DOT1L: variants seen among roughly 807,000 people sequenced by gnomAD.
DOT1L encodes the protein DOT1 like histone lysine methyltransferase, also known as histone-lysine N-methyltransferase, H3 lysine-79 specific.
Under a neutral mutation model 153.3 loss-of-function variants are expected in DOT1L, and 33 were observed. That is an observed-to-expected ratio of 0.22 (90% CI 0.16 to 0.29). The LOEUF (loss-of-function observed/expected upper bound fraction) is 0.29. Among genes scored for constraint, DOT1L ranks in the 10% least tolerant of loss-of-function variants. DOT1L has a pLI of 1.00. For missense variants in DOT1L, 1,847 were observed against 2,119.9 expected (o/e 0.87, Z 2.53); for synonymous variants, 1,135 against 965.1 (o/e 1.18, Z -3.26).
rs1380203113 is a variant in DOT1L at position 2,226,572 on chromosome 19, C to A, written c.4051C>A (p.Leu1351Met). 6.2e-7 allele frequency: 1 copy of A among 1,600,498 alleles called. No individual in the cohort carries two copies. The highest frequency in any genetic ancestry group is 1.1e-5 in the South Asian group (1 of 90,672). The change falls in exon 27 of 28, where the codon CTG becomes ATG. Residue 1351 changes from leucine to methionine, a missense_variant. Physicochemically the swap from Leu to Met is conservative, Grantham distance 15. This residue lies in a region of DOT1L where 934 missense variants were observed against 825.3 expected (regional missense o/e 1.13). Transcript: ENST00000398665. ...GPEAAGLSSP[L>M]SFPSQRGKEG... ...CGAGGCGGCCGGCCTGAGCTCCCCG[C>A]TGAGCTTCCCCTCGCAGCGCGGCAA...
chr19:2,195,842 C>CA (rs1282662068), intron 7 of DOT1L, among the ~76,000 whole-genome samples: 1 of 152,240 alleles, frequency 6.6e-6, no homozygotes, highest in African/African-American at 2.4e-5. Context: ...GCAACAGAAA[C>CA]AAAGTGTTCA....
intron 5 of DOT1L, among the ~76,000 whole-genome samples, chr19:2,192,672 C>CA (rs71176526): frequency 0.063 from 5,991 of 94,900 alleles, 198 homozygotes; most frequent in East Asian, 0.18. Flanking sequence ...GACTCCGTCT[C>CA]AAAAAAAAAA....
chr19:2,214,822 G>C (rs747510312), intron 19 of DOT1L: 30 of 554,706 alleles, frequency 5.4e-5, no homozygotes, highest in Non-Finnish European at 9.0e-5. Flanking sequence ...TCTCGGGATT[G>C]CTTGGCTGAA....
At chr19:2,218,453 G>T (rs947329080) in intron 22 of DOT1L, among the ~76,000 whole-genome samples, 1 of 152,116 alleles carries the variant, frequency 6.6e-6, no homozygotes, top group Admixed American at 6.5e-5. Flanking sequence ...GAGTGCAGTG[G>T]TGCGATCTCG....
intron 26 of DOT1L, 77 bp downstream of exon 26, chr19:2,225,529 C>A (rs2024290103): frequency 6.9e-7 from 1 of 1,454,516 alleles, no homozygotes; most frequent in African/African-American, 1.4e-5. Flanking sequence ...GCTGACCCAC[C>A]TGCTGGCCCG....
rs958623191 is a variant in DOT1L at position 2,190,378 on chromosome 19, G to C, written c.264+583G>C. On this transcript the variant is annotated intron_variant, in intron 4 of 27. Coordinates refer to ENST00000398665, the MANE Select transcript of DOT1L (RefSeq NM_032482.3). The surrounding 1 kb of genome is among the most constrained non-coding windows in gnomAD (Gnocchi z 4.8). ...GGAGCTCTTTCTTGAAGGTCTTGCT[G>C]TGGAGGGAGCCCTGGTGGGGGTGGC... is the stretch of plus-strand genomic sequence containing the variant. Among the ~76,000 whole-genome samples the C allele has an allele frequency of 6.6e-6, 1 of 152,126 alleles. No homozygotes were observed. The highest frequency in any genetic ancestry group is 2.4e-5 in the African/African-American group (1 of 41,406).
At chr19:2,202,492 T>G (rs2023333210) in intron 8 of DOT1L, among the ~76,000 whole-genome samples, 2 of 152,188 alleles carry the variant, frequency 1.3e-5, no homozygotes, top group South Asian at 4.1e-4. Flanking sequence ...GCCCCCTCTG[T>G]TTTTGGCCCC....
intron 22 of DOT1L, 110 bp downstream of exon 22, chr19:2,218,028 G>A (rs749502319): frequency 2.2e-5 from 32 of 1,446,552 alleles, no homozygotes; most frequent in East Asian, 4.9e-5. Flanking sequence ...AATGTCGAGC[G>A]TGAGGCAATG....
intron 27 of DOT1L, chr19:2,229,331 C>T (rs2024501657): frequency 1.0e-6 from 1 of 985,328 alleles, no homozygotes; most frequent in South Asian, 4.7e-5. Flanking sequence ...CCTTCTGCCT[C>T]AGGGGCCCCT....
rs1480395766 is a variant in DOT1L, at chr19:2,208,967, A to G, written c.996A>G (p.Pro332=). Residue 332 remains proline (P), a synonymous_variant, in exon 12 of 28, where the codon CCA becomes CCG. Coordinates refer to ENST00000398665, the MANE Select transcript of DOT1L (RefSeq NM_032482.3). This position sits in a 1 kb window ranked among gnomAD's most constrained non-coding sequence, Gnocchi z 4.4. ...LENYFSSLKN[P]KLREEQEAAR... is the part of the protein sequence containing the mutation. ...ACTATTTTTCTAGTCTGAAAAACCC[A>G]AAACTCAGGGTAAGTTTGTGTGTTT... 1 of 1,613,316 alleles carries G rather than the reference A, an allele frequency of 6.2e-7. No homozygotes were observed. The highest frequency in any genetic ancestry group is 1.3e-5 in the African/African-American group (1 of 74,892).
At chr19:2,194,631 ACCCTCCTGTCAGC>A in intron 7 of DOT1L, 54 bp downstream of exon 7, 1 of 1,422,068 alleles carries the variant, frequency 7.0e-7, no homozygotes, top group Non-Finnish European at 9.5e-7. Context: ...CCCCGCTCCC[ACCCTCCTGTCAGC>A]CCCTCCTTTC....
intron 8 of DOT1L, among the ~76,000 whole-genome samples, chr19:2,201,085 T>TCATTCCTCGTCCTCCCCG (rs1287994403): frequency 6.7e-5 from 5 of 75,020 alleles, no homozygotes; most frequent in Non-Finnish European, 1.0e-4. Flanking sequence ...CGTCGTCCCC[T>TCATTCCTCGTCCTCCCCG]CATTCCTCGT....
At chr19:2,223,241 G>T (rs116239075) in intron 24 of DOT1L, 40 bp from the exon 25 acceptor site, 1 of 1,606,312 alleles carries the variant, frequency 6.2e-7, no homozygotes, top group East Asian at 2.2e-5. Context: ...GGGGTCCCGG[G>T]TCTGTGGTAT....
intron 1 of DOT1L, among the ~76,000 whole-genome samples, chr19:2,176,296 C>T (rs898961670): frequency 1.1e-4 from 16 of 152,242 alleles, no homozygotes; most frequent in African/African-American, 3.9e-4. Flanking sequence ...GGGACAGGGG[C>T]AGTAACTCGG....
intron 22 of DOT1L, among the ~76,000 whole-genome samples, chr19:2,219,269 C>G (rs1028367912): frequency 6.6e-6 from 1 of 152,200 alleles, no homozygotes; most frequent in Non-Finnish European, 1.5e-5. Flanking sequence ...CGGCCTCCCA[C>G]AGTGCTGGGA....
intron 25 of DOT1L, 52 bp from the exon 26 acceptor site, chr19:2,225,336 T>C (rs887955128): frequency 2.6e-5 from 41 of 1,553,284 alleles, no homozygotes; most frequent in Non-Finnish European, 3.4e-5. Context: ...ATTTGTGTCA[T>C]TCTTAGTATG....
Position 2,217,189 on chromosome 19 carries a change from G to T in DOT1L, c.2544+99G>T. On this transcript the variant is annotated intron_variant, in intron 21 of 27. Coordinates refer to ENST00000398665, the MANE Select transcript of DOT1L (RefSeq NM_032482.3). This position sits in a 1 kb window ranked among gnomAD's most constrained non-coding sequence, Gnocchi z 7.3. Reference sequence around the variant, plus strand: ...AGGGCTTGTCCTAGTTGACCTTGGGGCACGGTGAGGTACTGGGGCTGACCT... The same window carrying T: ...AGGGCTTGTCCTAGTTGACCTTGGGTCACGGTGAGGTACTGGGGCTGACCT... 1 of 1,431,962 alleles carries T rather than the reference G, an allele frequency of 7.0e-7. No individual in the cohort carries two copies. Among genetic ancestry groups the T allele is most frequent in the Non-Finnish European group, 9.2e-7 (1 of 1,089,518 alleles). 88.7% of individuals were successfully genotyped at this position (1,431,962 alleles called of 1,614,324 possible). A position where few individuals can be genotyped will look rare whatever the true frequency, so the allele number is the denominator to read the frequency against.
Position 2,208,912 on chromosome 19 carries a change from A to G in DOT1L, c.964-23A>G. ...CAGAGATTGGGACTCCCTTCTAATC[A>G]GGGTTCTCTTTCTTCTTTTTAGCTT... On this transcript the variant is annotated intron_variant, in intron 11 of 27. Transcript: ENST00000398665. This position sits in a 1 kb window ranked among gnomAD's most constrained non-coding sequence, Gnocchi z 4.4. 6.2e-7 allele frequency: 1 copy of G among 1,611,056 alleles called. No homozygotes were observed. Among genetic ancestry groups the G allele is most frequent in the Non-Finnish European group, 8.5e-7 (1 of 1,178,706 alleles).
At chr19:2,196,156 C>T (rs528800363) in intron 7 of DOT1L, among the ~76,000 whole-genome samples, 1 of 152,382 alleles carries the variant, frequency 6.6e-6, no homozygotes, top group South Asian at 2.1e-4. Flanking sequence ...TCAGACCCCT[C>T]CGCACTGTCC....
Sources: gnomAD v4.1 joint callset for allele counts (sites outside exome capture counted in the v4.1 genomes callset) on GRCh38, gnomAD v4.1.1 for gene constraint, gnomAD v4.1.1 regional missense constraint, Gnocchi (gnomAD v3.1) non-coding constraint, MANE v1.5 for transcripts, NCBI Gene and HGNC (gene_info 2026-07-23, HGNC 2026-07-21) for gene names.